RELL1: variants seen among roughly 807,000 people sequenced by gnomAD.
RELL1 encodes the protein RELT-like protein 1.
Under a neutral mutation model 23.0 loss-of-function variants are expected in RELL1, and 10 were observed. The ratio of observed to expected loss-of-function variants is 0.43; its 90% confidence interval spans 0.27 to 0.74. The LOEUF is 0.74. RELL1 is among the 30% of genes least tolerant of loss of function. The pLI is 0.19. For synonymous variants in RELL1, 146 were observed against 146.8 expected (o/e 0.99, Z 0.04); for missense variants, 315 against 364.4 (o/e 0.86, Z 1.10).
downstream of RELL1, among the ~76,000 whole-genome samples, chr4:37,605,793 G>GAGAGAGAGAGAAAGAAAGAAAGAAAGAA (rs1269670059): frequency 4.4e-5 from 4 of 90,400 alleles, no homozygotes; most frequent in South Asian, 3.9e-4. Context: ...GAGAAAGAAA[G>GAGAGAGAGAGAAAGAAAGAAAGAAAGAA]AGAAAGAAAG....
chr4:37,620,417 T>C (rs953208038), intron 6 of RELL1, among the ~76,000 whole-genome samples: 3 of 152,228 alleles, frequency 2.0e-5, no homozygotes, highest in Non-Finnish European at 2.9e-5. Flanking sequence ...GCCTTTGAGA[T>C]GGTAGAATCA....
chr4:37,632,572 A>G (rs2109260211), intron 5 of RELL1, among the ~76,000 whole-genome samples: 1 of 152,298 alleles, frequency 6.6e-6, no homozygotes, highest in East Asian at 1.9e-4. Flanking sequence ...CGAACTTCCG[A>G]AAATATGCAA....
intron 6 of RELL1, among the ~76,000 whole-genome samples, chr4:37,604,580 A>C (rs1458422171): frequency 6.6e-6 from 1 of 151,888 alleles, no homozygotes; most frequent in Non-Finnish European, 1.5e-5. Context: ...TTTGCTGTCT[A>C]TACATTTTAA....
At chr4:37,648,844 T>C (rs531344812) in intron 2 of RELL1, among the ~76,000 whole-genome samples, 7 of 152,332 alleles carry the variant, frequency 4.6e-5, no homozygotes, top group African/African-American at 1.4e-4. Context: ...TCCATAATAA[T>C]AGTAAGGATT....
chr4:37,667,968 TTAA>T (rs1721594872), intron 1 of RELL1, among the ~76,000 whole-genome samples: 2 of 151,924 alleles, frequency 1.3e-5, no homozygotes, highest in Non-Finnish European at 2.9e-5. Flanking sequence ...ATGAAAAATG[TTAA>T]GTGAAAAAAA....
intron 6 of RELL1, among the ~76,000 whole-genome samples, chr4:37,615,699 G>A (rs1011188110): frequency 7.2e-5 from 11 of 152,178 alleles, no homozygotes; most frequent in Admixed American, 3.3e-4. Context: ...AAAATTAAGC[G>A]AAGTTCCATT....
intron 3 of RELL1, among the ~76,000 whole-genome samples, chr4:37,640,597 T>C (rs55944868): frequency 9.1e-4 from 138 of 152,124 alleles, no homozygotes; most frequent in African/African-American, 3.2e-3. Context: ...GAAACACATC[T>C]CCCCCTCCCC....
At chr4:37,638,899 A>T (rs1054986537) in intron 3 of RELL1, among the ~76,000 whole-genome samples, 2 of 152,236 alleles carry the variant, frequency 1.3e-5, no homozygotes, top group Non-Finnish European at 2.9e-5. Flanking sequence ...ACTTTGAAAA[A>T]TATGATAGTG....
chr4:37,652,120 C>G (rs115095949), intron 1 of RELL1, among the ~76,000 whole-genome samples: 1 of 152,172 alleles, frequency 6.6e-6, no homozygotes, highest in South Asian at 2.1e-4. Flanking sequence ...GAAATGAGCA[C>G]GGTTCATCAC....
intron 1 of RELL1, among the ~76,000 whole-genome samples, chr4:37,673,859 C>T (rs1317086604): frequency 6.6e-6 from 1 of 152,170 alleles, no homozygotes; most frequent in African/African-American, 2.4e-5. Context: ...GGGGCTCTGT[C>T]GCCTAACCTC....
At chr4:37,597,200 T>G (rs1380528465) in intron 6 of RELL1, among the ~76,000 whole-genome samples, 1 of 152,172 alleles carries the variant, frequency 6.6e-6, no homozygotes, top group Admixed American at 6.5e-5. Context: ...CCTAGGAGAC[T>G]TCTGTATTTA....
chr4:37,591,860 G>C (rs1193019160), intron 6 of RELL1: 3 of 152,096 alleles, frequency 2.0e-5, no homozygotes, highest in Non-Finnish European at 4.4e-5. Flanking sequence ...ACTCAAAGGT[G>C]GTTCTAATTT....
Position 37,610,643 on chromosome 4 carries a change from CATTTTT to C in RELL1, c.*2697_*2702del, listed in dbSNP as rs1719343905. Among the ~76,000 whole-genome samples the C allele has an allele frequency of 6.6e-6, 1 of 152,202 alleles. No homozygotes were observed. The highest frequency in any genetic ancestry group is 2.4e-5 in the African/African-American group (1 of 41,450). ...CCACAAGACAACACACTGCGTTTAA[CATTTTT>C]ATTTTTAACTCCGCTTTGGTAGTAC... On this transcript the variant is annotated 3_prime_UTR_variant, in exon 7 of 7. Coordinates refer to ENST00000454158, the MANE Select transcript of RELL1 (RefSeq NM_001085400.2). The surrounding 1 kb of genome is among the most constrained non-coding windows in gnomAD (Gnocchi z 4.1).
At chr4:37,650,156 T>G (rs6818580) in intron 1 of RELL1, among the ~76,000 whole-genome samples, 2,655 of 152,336 alleles carry the variant, frequency 0.017, 88 homozygotes, top group African/African-American at 0.061. Flanking sequence ...TTCTAGGCAC[T>G]TGTGATGCAG....
chr4:37,622,848 C>T (rs1261469284), intron 6 of RELL1: 39 of 448,698 alleles, frequency 8.7e-5, no homozygotes, highest in Non-Finnish European at 1.6e-4. Context: ...GTTGTCACCC[C>T]GGCTGAAGTG....
intron 6 of RELL1, among the ~76,000 whole-genome samples, chr4:37,603,589 A>G (rs1719073590): frequency 6.6e-6 from 1 of 152,222 alleles, no homozygotes; most frequent in Non-Finnish European, 1.5e-5. Context: ...TCAGTGAGAC[A>G]GAAGGAAGGG....
chr4:37,604,840 G>GACACACACACAC (rs1553871536), intron 6 of RELL1, among the ~76,000 whole-genome samples: 1 of 37,848 alleles, frequency 2.6e-5, no homozygotes, highest in Non-Finnish European at 6.1e-5. Context: ...CATACACACA[G>GACACACACACAC]ACACACACAC....
chr4:37,590,805 T>TA (rs1158618008), exon 7 of RELL1: 3 of 1,614,054 alleles, frequency 1.9e-6, no homozygotes, highest in Non-Finnish European at 2.5e-6. Context: ...AAACAGAAGT[T>TA]CTAAGCATCT....
chr4:37,596,486 C>G (rs985814087), intron 6 of RELL1, among the ~76,000 whole-genome samples: 1 of 151,580 alleles, frequency 6.6e-6, no homozygotes, highest in African/African-American at 2.4e-5. Flanking sequence ...GTAAAAAGTA[C>G]TGCACACACC....
Sources: allele counts gnomAD v4.1 joint callset (sites outside exome capture counted in the v4.1 genomes callset), GRCh38; gene constraint gnomAD v4.1.1; non-coding constraint Gnocchi (gnomAD v3.1); transcripts MANE v1.5; gene names NCBI Gene and HGNC (gene_info 2026-07-23, HGNC 2026-07-21).